ADGRF1: variants seen among roughly 807,000 people sequenced by gnomAD.
ADGRF1 encodes the protein G protein-coupled receptor 110.
In ADGRF1, 85 loss-of-function variants were observed where a neutral mutation model predicts 87.2. The observed-to-expected ratio is 0.97, with a 90% CI of 0.82 to 1.17. The LOEUF (loss-of-function observed/expected upper bound fraction) is 1.17, where lower values mean the gene tolerates loss of function less well. Among genes scored for constraint, ADGRF1 ranks in the 50% most tolerant of loss-of-function variants. The probability of loss-of-function intolerance (pLI) is 0.00; values close to 1 mark genes in which losing one functional copy is unlikely to be tolerated. For synonymous variants in ADGRF1, 430 were observed against 408.8 expected, an observed-to-expected ratio of 1.05 and a Z score of -0.63; for missense variants, 1,169 against 1,077.2, an observed-to-expected ratio of 1.09 and a Z score of -1.19.
intron 1 of ADGRF1, among the ~76,000 whole-genome samples, chr6:47,031,343 C>CTCTCTG (rs1780421852): frequency 7.7e-6 from 1 of 130,564 alleles, no homozygotes; most frequent in Non-Finnish European, 1.5e-5. Flanking sequence ...CTCTCTCTCT[C>CTCTCTG]TCTCTCTGTC....
chr6:47,014,498 C>T, intron 9 of ADGRF1, 183 bp downstream of exon 9: 1 of 1,368,292 alleles, frequency 7.3e-7, no homozygotes, highest in Non-Finnish European at 9.4e-7. Context: ...GACTCTGCTG[C>T]CCAGACGCTA....
At chr6:47,029,855 C>A (rs1780357124) in intron 1 of ADGRF1, among the ~76,000 whole-genome samples, 1 of 152,204 alleles carries the variant, frequency 6.6e-6, no homozygotes, top group African/African-American at 2.4e-5. Flanking sequence ...TGGCCAGGGG[C>A]TACCATATTG....
chr6:47,034,885 C>A (rs1365847068), intron 1 of ADGRF1, among the ~76,000 whole-genome samples: 1 of 152,224 alleles, frequency 6.6e-6, no homozygotes, highest in East Asian at 1.9e-4. Flanking sequence ...ATTAGAACTT[C>A]ATTCAGCTCA....
intron 1 of ADGRF1, among the ~76,000 whole-genome samples, chr6:47,039,615 T>G (rs1039252364): frequency 9.9e-5 from 15 of 152,200 alleles, no homozygotes; most frequent in Admixed American, 2.0e-4. Flanking sequence ...ACCACGATGC[T>G]ATAGACCTTT....
chr6:47,011,526 A>G (rs1392208813), intron 10 of ADGRF1, among the ~76,000 whole-genome samples: 1 of 152,238 alleles, frequency 6.6e-6, no homozygotes, highest in Non-Finnish European at 1.5e-5. Flanking sequence ...CAGGCTACAG[A>G]TAATTTATTT....
At chr6:47,012,847 G>A (rs1197631190) in intron 9 of ADGRF1, 6 of 839,900 alleles carry the variant, frequency 7.1e-6, no homozygotes, top group Non-Finnish European at 8.6e-6. Context: ...TCAGCTCACT[G>A]CAACCTCTGC....
Position 47,001,550 on chromosome 6 carries a change from T to C in ADGRF1, c.2610A>G (p.Leu870=), listed in dbSNP as rs1373046439. ...GCTTTGAGAATTTGGGTTTGGCAGA[T>C]AAATCTGATGAGTTTTGCTGCACAA... The part of the protein sequence containing the change: ...KQTEKQNSSD[L]SAKPKFSKPF... The change falls in exon 14 of 15, where the codon TTA becomes TTG. Residue 870 remains leucine, a synonymous_variant. Coordinates refer to ENST00000371253, the MANE Select transcript of ADGRF1 (RefSeq NM_153840.4). 1 of 1,613,862 alleles carries C rather than the reference T, an allele frequency of 6.2e-7. No individual in the cohort carries two copies. Among genetic ancestry groups the C allele is most frequent in the East Asian group, 2.2e-5 (1 of 44,852 alleles).
chr6:47,007,569 G>A (rs573604298), intron 11 of ADGRF1, among the ~76,000 whole-genome samples: 2 of 152,166 alleles, frequency 1.3e-5, no homozygotes, highest in African/African-American at 4.8e-5. Context: ...TCTCCCCATC[G>A]TACCATCCCA....
intron 9 of ADGRF1, 55 bp from the exon 10 acceptor site, chr6:47,012,250 A>C: frequency 3.2e-6 from 5 of 1,584,316 alleles, no homozygotes; most frequent in East Asian, 2.3e-5. Flanking sequence ...TGTTTCATCA[A>C]ATTTAAATCA....
intron 7 of ADGRF1, chr6:47,019,996 G>T (rs760884865): frequency 1.2e-5 from 12 of 988,220 alleles, no homozygotes; most frequent in African/African-American, 1.7e-5. Flanking sequence ...CCCACTTCTG[G>T]CTCCGAATTA....
At chr6:47,014,417 G>A in intron 9 of ADGRF1, 2 of 1,178,430 alleles carry the variant, frequency 1.7e-6, no homozygotes, top group Non-Finnish European at 2.1e-6. Flanking sequence ...GACCTCCTCA[G>A]CAATGATACA....
rs114379722 is a variant in ADGRF1, at chr6:47,002,837, T to C, written c.2593-1270A>G. Among the ~76,000 whole-genome samples the C allele has an allele frequency of 1.5e-3, 229 of 152,190 alleles. No individual in the cohort carries two copies. In the Middle Eastern group the frequency reaches 0.031, roughly 20 times the overall value. ...TGGAGAAGATTTGGGGTCCATACAG[T>C]GTGCTGTGGCTTGAAGGATGGTCCT... On this transcript the variant is annotated intron_variant, in intron 13 of 14. Coordinates refer to ENST00000371253, the MANE Select transcript of ADGRF1 (RefSeq NM_153840.4).
intron 9 of ADGRF1, chr6:47,012,736 G>A (rs1342150692): frequency 1.0e-6 from 1 of 985,266 alleles, no homozygotes; most frequent in African/African-American, 1.7e-5. Context: ...TTGACTACTG[G>A]GCTTGTGCCA....
chr6:47,004,025 C>A (rs1336536080), intron 13 of ADGRF1, among the ~76,000 whole-genome samples: 1 of 152,126 alleles, frequency 6.6e-6, no homozygotes, highest in African/African-American at 2.4e-5. Flanking sequence ...TCCTCTTCTG[C>A]CCATTATCCT....
intron 4 of ADGRF1, among the ~76,000 whole-genome samples, chr6:47,025,137 G>A (rs1298668075): frequency 1.3e-5 from 2 of 152,060 alleles, no homozygotes; most frequent in South Asian, 2.1e-4. Flanking sequence ...AATTCCCACC[G>A]AAGTCGTCTT....
Position 47,008,979 on chromosome 6 carries a change from C to G in ADGRF1, c.2456G>C (p.Trp819Ser). Residue 819 changes from tryptophan (W) to serine (S), a missense_variant, in exon 11 of 15, where the codon TGG becomes TCG. Physicochemically the swap from Trp to Ser is radical, Grantham distance 177. Coordinates refer to ENST00000371253, the MANE Select transcript of ADGRF1 (RefSeq NM_153840.4). ...GTIVDSQNLA[W>S]HVIFALLNAF... is the part of the protein sequence containing the mutation. ...ATTGAGTAAAGCAAAAATAACATGC[C>G]AAGCCAGATTCTGGCTGTCCACTAT... 6.2e-7 allele frequency: 1 copy of G among 1,607,688 alleles called. No homozygotes were observed. Among genetic ancestry groups the G allele is most frequent in the Non-Finnish European group, 8.5e-7 (1 of 1,175,506 alleles).
chr6:47,033,773 G>C (rs74612921), intron 1 of ADGRF1, among the ~76,000 whole-genome samples: 3,454 of 152,326 alleles, frequency 0.023, 134 homozygotes, highest in African/African-American at 0.079. Context: ...TTTCTAGGAA[G>C]TGTTGGGCCA....
chr6:47,018,313 C>T (rs1393608008), intron 7 of ADGRF1: 21 of 1,062,314 alleles, frequency 2.0e-5, no homozygotes, highest in Admixed American at 6.5e-5. Flanking sequence ...TGTATCATTC[C>T]CATTTTATAG....
At chr6:47,019,662 C>T (rs1464301904) in intron 7 of ADGRF1, 81 of 685,586 alleles carry the variant, frequency 1.2e-4, no homozygotes, top group Admixed American at 6.0e-4. Context: ...CCAGCCTAGG[C>T]GACAGAGCGA....
Sources: gnomAD v4.1 joint callset for allele counts (sites outside exome capture counted in the v4.1 genomes callset) on GRCh38, gnomAD v4.1.1 for gene constraint, MANE v1.5 for transcripts, NCBI Gene and HGNC (gene_info 2026-07-23, HGNC 2026-07-21) for gene names.